Variants in GNAL observed in about 807,000 individuals in gnomAD.
GNAL encodes the protein G protein subunit alpha L.
Under a neutral mutation model 55.1 loss-of-function variants are expected in GNAL, and 18 were observed. That is an observed-to-expected ratio of 0.33 (90% CI 0.23 to 0.48). The LOEUF (loss-of-function observed/expected upper bound fraction) is 0.48, where lower values mean the gene tolerates loss of function less well. Among genes scored for constraint, GNAL ranks in the 20% least tolerant of loss-of-function variants. The pLI is 0.99. For missense variants in GNAL, 412 were observed against 614.1 expected (o/e 0.67, Z 3.48); for synonymous variants, 253 against 237.0 (o/e 1.07, Z -0.62).
intron 5 of GNAL, among the ~76,000 whole-genome samples, chr18:11,846,460 AAT>A (rs774789891): frequency 0.23 from 7,699 of 33,936 alleles, 240 homozygotes; most frequent in South Asian, 0.41. Context: ...TATATATATA[AAT>A]ATACACACAC....
intron 5 of GNAL, among the ~76,000 whole-genome samples, chr18:11,858,503 G>A (rs549465241): frequency 6.6e-6 from 1 of 152,222 alleles, no homozygotes; most frequent in South Asian, 2.1e-4. Context: ...TGTATGATTT[G>A]GGAGACCCCT....
chr18:11,720,115 C>A (rs1198568086), intron 1 of GNAL, among the ~76,000 whole-genome samples: 1 of 152,202 alleles, frequency 6.6e-6, no homozygotes, highest in Non-Finnish European at 1.5e-5. Context: ...GCTTATCAGG[C>A]TAGACTGTGA....
intron 5 of GNAL, among the ~76,000 whole-genome samples, chr18:11,849,094 A>C (rs2035798048): frequency 6.6e-6 from 1 of 152,242 alleles, no homozygotes; most frequent in South Asian, 2.1e-4. Flanking sequence ...AGTGCCCAGA[A>C]CAATGTCTGG....
At position 11,856,530 on chromosome 18, in the gene GNAL, G is replaced by A. The variant is rs997310254; in HGVS notation, c.723-5865G>A. ...AAGAGCTGTGTCCTCTTCCTTCACA[G>A]CATTTGTCCACAATGAAATGTTTGC... On this transcript the variant is annotated intron_variant, in intron 5 of 11. Transcript: ENST00000334049. 8.6e-5 allele frequency among the ~76,000 whole-genome samples: 13 copies of A among 151,368 alleles called. 1 individual carries two copies. The highest frequency in any genetic ancestry group is 3.2e-4 in the African/African-American group (13 of 40,658).
rs28818526 is a variant in GNAL at position 11,710,512 on chromosome 18, T to C, written c.376+20573T>C. ...GAATGAACTTTATACTTTCATATGCTTTCTTGTTGCTGTTTAGTATGCTTT... is the reference window on the plus strand; with the variant it reads ...GAATGAACTTTATACTTTCATATGCCTTCTTGTTGCTGTTTAGTATGCTTT... On this transcript the variant is annotated intron_variant, in intron 1 of 11. Transcript: ENST00000334049. Among the ~76,000 whole-genome samples the C allele has an allele frequency of 2.4e-3, 370 of 152,332 alleles. 4 individuals carry two copies. Among genetic ancestry groups the C allele is most frequent in the African/African-American group, 8.4e-3 (349 of 41,588 alleles).
At chr18:11,795,527 C>T (rs542748424) in intron 4 of GNAL, among the ~76,000 whole-genome samples, 1 of 152,200 alleles carries the variant, frequency 6.6e-6, no homozygotes, top group Admixed American at 6.5e-5. Flanking sequence ...CACCAAATAT[C>T]CTTCATTGAT....
At chr18:11,869,328 A>G (rs952707648) in intron 9 of GNAL, among the ~76,000 whole-genome samples, 5 of 151,980 alleles carry the variant, frequency 3.3e-5, no homozygotes, top group African/African-American at 1.2e-4. Flanking sequence ...TATTTTTAGT[A>G]GAGACCGGGT....
intron 5 of GNAL, among the ~76,000 whole-genome samples, chr18:11,827,009 G>C (rs1034727667): frequency 6.6e-6 from 1 of 152,144 alleles, no homozygotes; most frequent in African/African-American, 2.4e-5. Flanking sequence ...CTGGGAGAGA[G>C]GGAGTGCCCA....
Position 11,689,666 on chromosome 18 carries a change from GC to G in GNAL, c.107del (p.Pro36ArgfsTer46). On this transcript the variant is annotated frameshift_variant, in exon 1 of 12. Transcript: ENST00000334049. LOFTEE classifies it high-confidence loss of function. ...PPVEDAQPAP[A>X]PALAPVRAAA... ...GGTGGAGGACGCGCAGCCCGCCCCG[GC>G]CCCGGCCCTGGCCCCAGTCCGGGCG... 6.9e-7 allele frequency: 1 copy of G among 1,440,458 alleles called. No individual in the cohort carries two copies. The highest frequency in any genetic ancestry group is 1.4e-5 in the South Asian group (1 of 72,212). 89.2% of individuals were successfully genotyped at this position (1,440,458 alleles called of 1,614,324 possible).
intron 4 of GNAL, among the ~76,000 whole-genome samples, chr18:11,778,365 G>T (rs2033839773): frequency 6.6e-6 from 1 of 152,098 alleles, no homozygotes; most frequent in South Asian, 2.1e-4. Context: ...ATTTACTCCT[G>T]CTATTTTTAG....
chr18:11,786,795 T>C (rs919336352), intron 4 of GNAL, among the ~76,000 whole-genome samples: 15 of 152,096 alleles, frequency 9.9e-5, no homozygotes, highest in South Asian at 2.1e-4. Context: ...TTTATAAACA[T>C]CACTTCATAA....
At chr18:11,695,678 GA>G (rs1273268902) in intron 1 of GNAL, among the ~76,000 whole-genome samples, 1 of 152,008 alleles carries the variant, frequency 6.6e-6, no homozygotes, top group Non-Finnish European at 1.5e-5. Flanking sequence ...ATTGTTATTC[GA>G]ATTTTAAATC....
chr18:11,809,833 A>G (rs1483439719), intron 4 of GNAL, among the ~76,000 whole-genome samples: 1 of 152,250 alleles, frequency 6.6e-6, no homozygotes, highest in East Asian at 1.9e-4. Flanking sequence ...TCTAGTGCAA[A>G]CCACAAGTAT....
intron 1 of GNAL, among the ~76,000 whole-genome samples, chr18:11,716,910 A>C (rs2031980142): frequency 6.6e-6 from 1 of 152,222 alleles, no homozygotes; most frequent in African/African-American, 2.4e-5. Flanking sequence ...CGGGGGCTGC[A>C]GGTGGAGCTG....
intron 9 of GNAL, 22 bp from the exon 10 acceptor site, chr18:11,872,244 GTA>G (rs749376158): frequency 6.5e-7 from 1 of 1,528,136 alleles, no homozygotes; most frequent in East Asian, 2.3e-5. Context: ...TGTGAAATTT[GTA>G]TGTTTATTTT....
intron 1 of GNAL, among the ~76,000 whole-genome samples, chr18:11,711,066 G>A (rs1190725588): frequency 6.6e-6 from 1 of 152,052 alleles, no homozygotes; most frequent in African/African-American, 2.4e-5. Flanking sequence ...TAGTAGAGAC[G>A]AGGTTTCACC....
intron 4 of GNAL, among the ~76,000 whole-genome samples, chr18:11,824,687 C>CAA (rs35626946): frequency 6.1e-4 from 46 of 75,936 alleles, no homozygotes; most frequent in Admixed American, 3.0e-3. Context: ...GACTGTGTCT[C>CAA]AAAAAAAAAA....
rs1007654262 is a variant in GNAL, at chr18:11,751,081, G to A, written c.377-1772G>A. On this transcript the variant is annotated intron_variant, in intron 1 of 11. Transcript: ENST00000334049. This position sits in a 1 kb window ranked among gnomAD's most constrained non-coding sequence, Gnocchi z 4.5. The stretch of plus-strand genomic sequence containing the variant: ...GGTTTCTTGGAAGGTGGAGGCACTC[G>A]ACGACAGAGCTGAGCAAAGGCAAGT... Among the ~76,000 whole-genome samples the A allele has an allele frequency of 7.2e-5, 11 of 152,224 alleles. No homozygotes were observed. Among genetic ancestry groups the A allele is most frequent in the African/African-American group, 2.6e-4 (11 of 41,526 alleles).
intron 1 of GNAL, among the ~76,000 whole-genome samples, chr18:11,699,230 T>C (rs1406637623): frequency 3.3e-5 from 5 of 152,144 alleles, no homozygotes. Flanking sequence ...AGAGTCTCTC[T>C]CTGTTGCCTA....
Sources: gnomAD v4.1 joint callset for allele counts (sites outside exome capture counted in the v4.1 genomes callset) on GRCh38, gnomAD v4.1.1 for gene constraint, Gnocchi (gnomAD v3.1) non-coding constraint, MANE v1.5 for transcripts, NCBI Gene and HGNC (gene_info 2026-07-23, HGNC 2026-07-21) for gene names.